Variants in MLXIP observed in about 807,000 individuals in gnomAD.
MLXIP encodes the protein MLX-interacting protein.
Under a neutral mutation model 87.2 loss-of-function variants are expected in MLXIP, and 30 were observed. The observed-to-expected ratio is 0.34, with a 90% CI of 0.26 to 0.47. The LOEUF (loss-of-function observed/expected upper bound fraction) is 0.47, where lower values mean the gene tolerates loss of function less well. MLXIP is among the 20% of genes least tolerant of loss of function. The pLI is 1.00. For missense variants in MLXIP, 1,002 were observed against 1,240.1 expected (o/e 0.81, Z 2.88); for synonymous variants, 530 against 514.0 (o/e 1.03, Z -0.42).
chr12:122,127,415 A>G, intron 2 of MLXIP, 53 bp downstream of exon 2: 1 of 1,314,662 alleles, frequency 7.6e-7, no homozygotes. Context: ...CACGGCCTGG[A>G]GGCCTGGGCA....
chr12:122,114,046 C>T (rs28470275), intron 1 of MLXIP, among the ~76,000 whole-genome samples: 1 of 139,334 alleles, frequency 7.2e-6, no homozygotes, highest in Non-Finnish European at 1.5e-5. Flanking sequence ...AGTGTAATGG[C>T]ACAATCTTGG....
At chr12:122,131,769 C>T (rs1952983307) in intron 7 of MLXIP, among the ~76,000 whole-genome samples, 2 of 152,006 alleles carry the variant, frequency 1.3e-5, no homozygotes, top group Non-Finnish European at 2.9e-5. Flanking sequence ...TGCTCTGTAG[C>T]CCACGCTGGA....
chr12:122,082,892 C>G (rs960701741), intron 1 of MLXIP, among the ~76,000 whole-genome samples: 7 of 152,242 alleles, frequency 4.6e-5, no homozygotes, highest in Non-Finnish European at 1.0e-4. Context: ...GTGATCACAG[C>G]TCACTGCAGC....
In MLXIP at chr12:122,135,796, A is replaced by G; in HGVS notation, c.2032+130A>G. 1 of 1,116,224 alleles carries G rather than the reference A, an allele frequency of 9.0e-7. No homozygotes were observed. Among genetic ancestry groups the G allele is most frequent in the Non-Finnish European group, 1.2e-6 (1 of 819,876 alleles). The allele number at this position is 1,116,224 out of a possible 1,614,324, so 69.1% of individuals were successfully genotyped here. On this transcript the variant is annotated intron_variant, in intron 11 of 16. Coordinates refer to ENST00000319080, the MANE Select transcript of MLXIP (RefSeq NM_014938.6). This position sits in a 1 kb window ranked among gnomAD's most constrained non-coding sequence, Gnocchi z 5.3. The stretch of plus-strand genomic sequence containing the variant: ...CTTAGGACACACAGTGAGGTCTTGT[A>G]GGCCTGCTGATAACACAGTCTGGGA...
chr12:122,135,823 C>A lies in MLXIP; in HGVS notation c.2032+157C>A. 1.1e-6 allele frequency: 1 copy of A among 902,470 alleles called. No homozygotes were observed. Among genetic ancestry groups the A allele is most frequent in the Non-Finnish European group, 1.6e-6 (1 of 632,186 alleles). The allele number at this position is 902,470 out of a possible 1,614,324, so 55.9% of individuals were successfully genotyped here. A position where few individuals can be genotyped will look rare whatever the true frequency, so the allele number is the denominator to read the frequency against. On this transcript the variant is annotated intron_variant, in intron 11 of 16. Coordinates refer to ENST00000319080, the MANE Select transcript of MLXIP (RefSeq NM_014938.6). This position sits in a 1 kb window ranked among gnomAD's most constrained non-coding sequence, Gnocchi z 5.3. ...GCCTGCTGATAACACAGTCTGGGAACACGCTCTGTGGGTGGCAGGATGAAA... is the reference window on the plus strand; with the variant it reads ...GCCTGCTGATAACACAGTCTGGGAAAACGCTCTGTGGGTGGCAGGATGAAA...
Position 122,137,698 on chromosome 12 carries a change from C to G in MLXIP, c.2154+108C>G. 1.3e-6 allele frequency: 2 copies of G among 1,519,700 alleles called. No individual in the cohort carries two copies. Among genetic ancestry groups the G allele is most frequent in the Non-Finnish European group, 1.8e-6 (2 of 1,120,856 alleles). 94.1% of individuals were successfully genotyped at this position (1,519,700 alleles called of 1,614,324 possible). A position where few individuals can be genotyped will look rare whatever the true frequency, so the allele number is the denominator to read the frequency against. ...GAGACCTCAGACCCAGCCAGAGCTG[C>G]CCAGGCAGGGGTGGATCAGAAATGG... On this transcript the variant is annotated intron_variant, in intron 12 of 16. Coordinates refer to ENST00000319080, the MANE Select transcript of MLXIP (RefSeq NM_014938.6). This position sits in a 1 kb window ranked among gnomAD's most constrained non-coding sequence, Gnocchi z 4.1.
At position 122,141,047 on chromosome 12, in the gene MLXIP, C is replaced by G; in HGVS notation, c.2602C>G (p.Leu868Val). The G allele has an allele frequency of 6.2e-7, 1 of 1,613,302 alleles. No homozygotes were observed. The highest frequency in any genetic ancestry group is 8.5e-7 in the Non-Finnish European group (1 of 1,179,888). Residue 868 changes from leucine to valine, a missense_variant, in exon 16 of 17, where the codon CTG becomes GTG. Physicochemically the swap from Leu to Val is conservative, Grantham distance 32. Transcript: ENST00000319080. The part of the protein sequence containing the change: ...EELHRTALSW[L>V]DQHCSLPILR... ...GCTGCACCGGACGGCGCTCTCCTGGCTGGACCAGCACTGCTCCCTGCCCAT... is the reference window on the plus strand; with the variant it reads ...GCTGCACCGGACGGCGCTCTCCTGGGTGGACCAGCACTGCTCCCTGCCCAT...
chr12:122,142,415 G>A lies in MLXIP; in HGVS notation c.*603G>A, dbSNP rs1306187825. ...AGTGCCTTCTTCAGAGGTCCTCCAG[G>A]ACACATGTGTGCAGAAACGGTGGAT... On this transcript the variant is annotated 3_prime_UTR_variant, in exon 17 of 17. Coordinates refer to ENST00000319080, the MANE Select transcript of MLXIP (RefSeq NM_014938.6). The A allele has an allele frequency of 2.2e-6, 1 of 456,626 alleles. No homozygotes were observed. The highest frequency in any genetic ancestry group is 2.0e-5 in the African/African-American group (1 of 50,802). The allele number at this position is 456,626 out of a possible 1,614,324, so 28.3% of individuals were successfully genotyped here. A position where few individuals can be genotyped will look rare whatever the true frequency, so the allele number is the denominator to read the frequency against.
At chr12:122,084,284 AT>A (rs964758492) in intron 1 of MLXIP, among the ~76,000 whole-genome samples, 2 of 151,862 alleles carry the variant, frequency 1.3e-5, no homozygotes, top group Non-Finnish European at 2.9e-5. Flanking sequence ...AAGATTACCA[AT>A]TACATTACCC....
rs781464704 is a variant in MLXIP, at chr12:122,132,351, C to T, written c.1060C>T (p.Pro354Ser). ...GSMLPASASA[P>S]VPDPNNPPAQ... Reference sequence around the variant, plus strand: ...CATGCTACCTGCATCTGCCTCAGCACCTGTACCAGATCCCAACAACCCACC... The same window carrying T: ...CATGCTACCTGCATCTGCCTCAGCATCTGTACCAGATCCCAACAACCCACC... Residue 354 changes from proline (P) to serine (S), a missense_variant, in exon 8 of 17, where the codon CCT becomes TCT. Around this residue, in one of 3 missense-constraint regions of MLXIP, gnomAD observed 746 missense variants for 897.0 expected, o/e 0.83. Coordinates refer to ENST00000319080, the MANE Select transcript of MLXIP (RefSeq NM_014938.6). 5 of 1,613,162 alleles carry T rather than the reference C, an allele frequency of 3.1e-6. No homozygotes were observed. The South Asian group carries it at 4.4e-5, about 14-fold the overall frequency.
At position 122,135,999 on chromosome 12, in the gene MLXIP, GTC is replaced by G. The variant is rs1953084286; in HGVS notation, c.2032+337_2032+338del. 1 of 250,674 alleles carries G rather than the reference GTC, an allele frequency of 4.0e-6. No homozygotes were observed. 15.5% of individuals were successfully genotyped at this position (250,674 alleles called of 1,614,324 possible). ...GGGATTGAGGAGCCCTGGGCTTCCTGTCTCTGGGAGCATCAGCCTGGGGTTGC... is the reference window on the plus strand; with the variant it reads ...GGGATTGAGGAGCCCTGGGCTTCCTGTCTGGGAGCATCAGCCTGGGGTTGC... On this transcript the variant is annotated intron_variant, in intron 11 of 16. Coordinates refer to ENST00000319080, the MANE Select transcript of MLXIP (RefSeq NM_014938.6). This position sits in a 1 kb window ranked among gnomAD's most constrained non-coding sequence, Gnocchi z 5.3.
chr12:122,090,190 T>C (rs1952224657), intron 1 of MLXIP, among the ~76,000 whole-genome samples: 1 of 152,200 alleles, frequency 6.6e-6, no homozygotes, highest in South Asian at 2.1e-4. Flanking sequence ...AGAAACATTA[T>C]GTTGAATGAA....
chr12:122,123,314 G>A (rs981900675), intron 1 of MLXIP, among the ~76,000 whole-genome samples: 4 of 152,300 alleles, frequency 2.6e-5, no homozygotes, highest in African/African-American at 2.4e-5. Context: ...GACCCTTTCC[G>A]GCCCGCCGTG....
chr12:122,138,121 C>T (rs1953126863), intron 12 of MLXIP, 73 bp from the exon 13 acceptor site: 10 of 1,353,366 alleles, frequency 7.4e-6, no homozygotes, highest in African/African-American at 1.4e-5. Flanking sequence ...CCAGGATCAG[C>T]GTAGGGGGTG....
intron 1 of MLXIP, among the ~76,000 whole-genome samples, chr12:122,088,009 C>T (rs143601571): frequency 0.03 from 4,629 of 152,290 alleles, 220 homozygotes; most frequent in African/African-American, 0.11. Context: ...GGGTATGTCA[C>T]GCTGAGGACA....
At chr12:122,117,545 G>A (rs891336917) in intron 1 of MLXIP, among the ~76,000 whole-genome samples, 3 of 152,162 alleles carry the variant, frequency 2.0e-5, no homozygotes, top group African/African-American at 4.8e-5. Flanking sequence ...CCTAATAACC[G>A]TGATCCTCAT....
intron 9 of MLXIP, chr12:122,134,677 C>CTTTT: frequency 7.6e-6 from 1 of 131,828 alleles, no homozygotes; most frequent in Non-Finnish European, 1.6e-5. Flanking sequence ...TCTCTATTCT[C>CTTTT]TTTTTTTTTT....
rs750888515 is a variant in MLXIP at position 122,141,849 on chromosome 12, A to G, written c.*37A>G. 6.2e-7 allele frequency: 1 copy of G among 1,609,510 alleles called. No homozygotes were observed. Among genetic ancestry groups the G allele is most frequent in the Non-Finnish European group, 8.5e-7 (1 of 1,178,612 alleles). On this transcript the variant is annotated 3_prime_UTR_variant, in exon 17 of 17. Transcript: ENST00000319080. ...GCATGTGGCCGCATGAGATGCCAGG[A>G]GACCCTTCCCTGCCCATGGAGAGTA...
At position 122,142,608 on chromosome 12, in the gene MLXIP, C is replaced by A; in HGVS notation, c.*796C>A. ...TCGGATGTCACCTCACCGCTGTGGC[C>A]CTTCTGCCGTTCTTCTCCACTTGGC... On this transcript the variant is annotated 3_prime_UTR_variant, in exon 17 of 17. Coordinates refer to ENST00000319080, the MANE Select transcript of MLXIP (RefSeq NM_014938.6). 1 of 288,750 alleles carries A rather than the reference C, an allele frequency of 3.5e-6. No individual in the cohort carries two copies. The highest frequency in any genetic ancestry group is 6.8e-6 in the Non-Finnish European group (1 of 146,022). The allele number at this position is 288,750 out of a possible 1,614,324, so 17.9% of individuals were successfully genotyped here.
Sources: allele counts gnomAD v4.1 joint callset (sites outside exome capture counted in the v4.1 genomes callset), GRCh38; gene constraint gnomAD v4.1.1; regional missense constraint gnomAD v4.1.1; non-coding constraint Gnocchi (gnomAD v3.1); transcripts MANE v1.5; gene names NCBI Gene and HGNC (gene_info 2026-07-23, HGNC 2026-07-21).